The following THSD7A variants were observed in gnomAD, a reference collection of about 807,000 sequenced individuals.
THSD7A encodes thrombospondin type 1 domain containing 7A.
A neutral mutation model predicts 231.3 loss-of-function variants in THSD7A; 96 were observed. That is an observed-to-expected ratio of 0.41 (90% confidence interval 0.35 to 0.49). The LOEUF is 0.49. Among genes scored for constraint, THSD7A ranks in the 20% least tolerant of loss-of-function variants. The probability of loss-of-function intolerance (pLI) is 0.05; values close to 1 mark genes in which losing one functional copy is unlikely to be tolerated. For synonymous variants in THSD7A, 940 were observed against 743.3 expected (o/e 1.26, Z -4.30); for missense variants, 2,290 against 2,070.2 (o/e 1.11, Z -2.06).
chr7:11,766,650 T>C (rs1486448820), intron 1 of THSD7A, among the ~76,000 whole-genome samples: 2 of 152,160 alleles, frequency 1.3e-5, no homozygotes, highest in East Asian at 3.8e-4. Context: ...TATTATGAAC[T>C]GAATATAATA....
intron 1 of THSD7A, among the ~76,000 whole-genome samples, chr7:11,737,065 C>G (rs1781941440): frequency 6.6e-6 from 1 of 151,980 alleles, no homozygotes; most frequent in Non-Finnish European, 1.5e-5. Context: ...CTGAGGCCTC[C>G]CCAACCATGT....
chr7:11,415,834 AT>A (rs1330143323), intron 17 of THSD7A, among the ~76,000 whole-genome samples: 1 of 152,108 alleles, frequency 6.6e-6, no homozygotes, highest in Non-Finnish European at 1.5e-5. Context: ...TTAGTTACTC[AT>A]TTTGTTTGTC....
At chr7:11,808,030 G>C (rs1784440917) in intron 1 of THSD7A, among the ~76,000 whole-genome samples, 2 of 152,028 alleles carry the variant, frequency 1.3e-5, no homozygotes, top group African/African-American at 4.8e-5. Context: ...GTACCCCAGA[G>C]GGCCTCTCAC....
intron 2 of THSD7A, among the ~76,000 whole-genome samples, chr7:11,614,315 G>A (rs942649475): frequency 6.6e-6 from 1 of 152,200 alleles, no homozygotes; most frequent in African/African-American, 2.4e-5. Context: ...TAACTTGAAA[G>A]CTGAGGCAGC....
At chr7:11,566,687 G>A (rs1284738726) in intron 4 of THSD7A, among the ~76,000 whole-genome samples, 4 of 152,060 alleles carry the variant, frequency 2.6e-5, no homozygotes. Context: ...CTCTACTCGT[G>A]ATATATTCCT....
intron 1 of THSD7A, among the ~76,000 whole-genome samples, chr7:11,766,538 A>T (rs771398552): frequency 3.3e-5 from 5 of 152,194 alleles, no homozygotes; most frequent in Non-Finnish European, 7.4e-5. Flanking sequence ...GTTTATCCTT[A>T]TAGAGATTAA....
chr7:11,741,940 A>G (rs1021357610), intron 1 of THSD7A, among the ~76,000 whole-genome samples: 6 of 151,928 alleles, frequency 3.9e-5, no homozygotes, highest in Non-Finnish European at 1.5e-5. Flanking sequence ...GGTAGTGCTG[A>G]CATGGTCACT....
intron 19 of THSD7A, among the ~76,000 whole-genome samples, chr7:11,409,635 G>A (rs182767051): frequency 2.0e-5 from 3 of 152,108 alleles, no homozygotes; most frequent in South Asian, 2.1e-4. Flanking sequence ...ATTTCATTCC[G>A]ACCAAGGAGT....
At chr7:11,665,576 A>G (rs935474037) in intron 1 of THSD7A, among the ~76,000 whole-genome samples, 7 of 152,134 alleles carry the variant, frequency 4.6e-5, no homozygotes, top group African/African-American at 1.7e-4. Context: ...TTGTGAAATA[A>G]GGGGTTTGGA....
At chr7:11,665,759 A>G (rs1783105351) in intron 1 of THSD7A, among the ~76,000 whole-genome samples, 1 of 152,108 alleles carries the variant, frequency 6.6e-6, no homozygotes, top group African/African-American at 2.4e-5. Context: ...TGTGGGACCA[A>G]AAGCTTGTAC....
chr7:11,711,856 A>G (rs1780976848), intron 1 of THSD7A, among the ~76,000 whole-genome samples: 1 of 151,174 alleles, frequency 6.6e-6, no homozygotes, highest in Non-Finnish European at 1.5e-5. Flanking sequence ...CTTTGCATCC[A>G]TATAAATAAA....
chr7:11,541,480 A>G lies in THSD7A; in HGVS notation c.1761T>C (p.Asp587=). The change falls in exon 6 of 28, where the codon GAT becomes GAC. Residue 587 remains aspartate, a synonymous_variant. Coordinates refer to ENST00000423059, the MANE Select transcript of THSD7A (RefSeq NM_015204.3). The stretch of plus-strand genomic sequence containing the variant: ...TGCCTGGACCACACTCCTTTCCGTT[A>G]TCTGGCTCGCAGTTTCCCAGTCTCA... ...KAVRLGNCEP[D]NGKECGPGTQ... is the part of the protein sequence containing the mutation. 6.2e-7 allele frequency: 1 copy of G among 1,613,956 alleles called. No homozygotes were observed. Among genetic ancestry groups the G allele is most frequent in the Non-Finnish European group, 8.5e-7 (1 of 1,179,876 alleles).
At chr7:11,641,440 A>G (rs1241279476) in intron 1 of THSD7A, among the ~76,000 whole-genome samples, 1 of 152,150 alleles carries the variant, frequency 6.6e-6, no homozygotes, top group African/African-American at 2.4e-5. Context: ...ACTATTATAT[A>G]TAGATAAGGC....
At chr7:11,691,601 T>C (rs922997150) in intron 1 of THSD7A, among the ~76,000 whole-genome samples, 2 of 151,432 alleles carry the variant, frequency 1.3e-5, no homozygotes, top group African/African-American at 4.8e-5. Flanking sequence ...CTATATATAA[T>C]CCATAACATC....
In THSD7A at chr7:11,452,086, A is replaced by G. The variant is rs536470125; in HGVS notation, c.2606-4662T>C. ...AAGAGCTCTGTGACCTTATTATTAA[A>G]CTGAACAATATTAACATGGTTTATA... On this transcript the variant is annotated intron_variant, in intron 11 of 27. Coordinates refer to ENST00000423059, the MANE Select transcript of THSD7A (RefSeq NM_015204.3). 3.3e-5 allele frequency among the ~76,000 whole-genome samples: 5 copies of G among 152,078 alleles called. No individual in the cohort carries two copies. The South Asian group carries it at 1.0e-3, about 32-fold the overall frequency.
chr7:11,370,367 C>T lies in THSD7A; in HGVS notation c.*5427G>A, dbSNP rs1782006522. On this transcript the variant is annotated 3_prime_UTR_variant, in exon 28 of 28. Transcript: ENST00000423059. ...CAGTAGGTAAAAGGATTTAGGTATTCACTGGAAAAAAATTTTAATCCATAT... is the reference window on the plus strand; with the variant it reads ...CAGTAGGTAAAAGGATTTAGGTATTTACTGGAAAAAAATTTTAATCCATAT... The T allele has an allele frequency of 1.3e-5, 2 of 152,150 alleles. No individual in the cohort carries two copies. The highest frequency in any genetic ancestry group is 4.8e-5 in the African/African-American group (2 of 41,430). 9.4% of individuals were successfully genotyped at this position (152,150 alleles called of 1,614,324 possible). A position where few individuals can be genotyped will look rare whatever the true frequency, so the allele number is the denominator to read the frequency against.
chr7:11,798,626 A>G (rs1054523280), intron 1 of THSD7A, among the ~76,000 whole-genome samples: 1 of 152,190 alleles, frequency 6.6e-6, no homozygotes, highest in Non-Finnish European at 1.5e-5. Flanking sequence ...TCATTTTTTA[A>G]TGAAATACTT....
At chr7:11,610,860 T>G (rs1231622140) in intron 2 of THSD7A, among the ~76,000 whole-genome samples, 5 of 152,154 alleles carry the variant, frequency 3.3e-5, no homozygotes, top group Admixed American at 2.0e-4. Flanking sequence ...TTTATCTCAT[T>G]ACACTTTTCA....
intron 1 of THSD7A, among the ~76,000 whole-genome samples, chr7:11,678,957 C>T (rs930235381): frequency 3.3e-5 from 5 of 152,200 alleles, no homozygotes; most frequent in Non-Finnish European, 7.3e-5. Flanking sequence ...CGATAAAATT[C>T]TGGCAAACCA....
Sources: gnomAD v4.1 joint callset for allele counts (sites outside exome capture counted in the v4.1 genomes callset) on GRCh38, gnomAD v4.1.1 for gene constraint, MANE v1.5 for transcripts, NCBI Gene and HGNC (gene_info 2026-07-23, HGNC 2026-07-21) for gene names.